The following SAMD4B variants were observed in gnomAD, a reference collection of about 807,000 sequenced individuals.
The protein encoded by SAMD4B is sterile alpha motif domain containing 4B.
Under a neutral mutation model 74.5 loss-of-function variants are expected in SAMD4B, and 5 were observed. That is an observed-to-expected ratio of 0.07 (90% CI 0.04 to 0.14). SAMD4B has a LOEUF of 0.14. Among genes scored for constraint, SAMD4B ranks in the 10% least tolerant of loss-of-function variants. The pLI is 1.00. For missense variants in SAMD4B, 608 were observed against 921.8 expected (o/e 0.66, Z 4.41); for synonymous variants, 373 against 374.9 (o/e 1.00, Z 0.06).
the SAMD4B span, chr19:39,390,732 G>C: frequency 7.1e-7 from 1 of 1,398,750 alleles, no homozygotes; most frequent in Non-Finnish European, 9.9e-7. Flanking sequence ...TGACGTCACG[G>C]GCAGACCTGG....
At chr19:39,344,857 C>T (rs933707386) in intron 1 of SAMD4B, among the ~76,000 whole-genome samples, 9 of 152,180 alleles carry the variant, frequency 5.9e-5, no homozygotes, top group African/African-American at 2.2e-4. Context: ...CTCTTCCCTT[C>T]AGAGATCAAG....
Position 39,379,379 on chromosome 19 carries a change from C to T in SAMD4B, c.1531-587C>T, listed in dbSNP as rs145404706. On this transcript the variant is annotated intron_variant, in intron 9 of 13. Transcript: ENST00000610417. ...GCTGTCAGTTCAAACATTTATACCTCAGGGACACCTTTACCAACCCCTCAT... is the reference window on the plus strand; with the variant it reads ...GCTGTCAGTTCAAACATTTATACCTTAGGGACACCTTTACCAACCCCTCAT... 4.6e-5 allele frequency among the ~76,000 whole-genome samples: 7 copies of T among 152,312 alleles called. No homozygotes were observed. The East Asian group carries it at 1.4e-3, about 29-fold the overall frequency.
downstream of SAMD4B, chr19:39,390,036 T>C (rs372419471): frequency 2.0e-6 from 3 of 1,533,370 alleles, no homozygotes; most frequent in South Asian, 1.1e-5. Flanking sequence ...AAGGAACTCA[T>C]ACCTGAGTAG....
intron 12 of SAMD4B, among the ~76,000 whole-genome samples, chr19:39,382,930 C>A (rs1180996751): frequency 6.6e-6 from 1 of 151,656 alleles, no homozygotes; most frequent in Non-Finnish European, 1.5e-5. Flanking sequence ...AGAGTAGTCA[C>A]AGCAGGCTGT....
intron 1 of SAMD4B, chr19:39,348,269 T>G (rs560895495): frequency 6.6e-6 from 1 of 152,334 alleles, no homozygotes; most frequent in East Asian, 1.9e-4. Flanking sequence ...AGTCTTCCCT[T>G]CTCTCATGGA....
chr19:39,373,032 G>T (rs1324270699), intron 4 of SAMD4B, among the ~76,000 whole-genome samples: 1 of 152,164 alleles, frequency 6.6e-6, no homozygotes, highest in African/African-American at 2.4e-5. Context: ...CATTAGTATT[G>T]TCACAGCTGA....
intron 3 of SAMD4B, among the ~76,000 whole-genome samples, chr19:39,362,828 A>G (rs1031299097): frequency 2.0e-5 from 3 of 151,836 alleles, no homozygotes; most frequent in African/African-American, 7.3e-5. Flanking sequence ...AGCAGGTTTA[A>G]ACTCCTCCCT....
chr19:39,342,892 C>T (rs1358675160), intron 1 of SAMD4B, among the ~76,000 whole-genome samples: 3 of 150,498 alleles, frequency 2.0e-5, no homozygotes, highest in Admixed American at 6.6e-5. Flanking sequence ...TCGGAGAGCC[C>T]CGGAAAGCCT....
At chr19:39,388,771 G>A (rs1224931429), downstream of SAMD4B, 1 of 1,613,710 alleles carries the variant, frequency 6.2e-7, no homozygotes, top group Admixed American at 1.7e-5. Context: ...CCTAATCATG[G>A]CCTGAGACAT....
At chr19:39,387,050 C>T (rs976282094), downstream of SAMD4B, 2 of 569,690 alleles carry the variant, frequency 3.5e-6, no homozygotes, top group Non-Finnish European at 6.4e-6. Context: ...GGTGTATTTA[C>T]ATAAATACGG....
chr19:39,390,090 G>A, downstream of SAMD4B: 18 of 1,613,688 alleles, frequency 1.1e-5, no homozygotes, highest in Non-Finnish European at 1.5e-5. Flanking sequence ...GAAGGGGTAG[G>A]TGATGAACTT....
chr19:39,389,408 A>C (rs917533295), downstream of SAMD4B: 4 of 1,612,590 alleles, frequency 2.5e-6, no homozygotes, highest in Non-Finnish European at 3.4e-6. The surrounding 1 kb of genome is among the most constrained non-coding windows in gnomAD (Gnocchi z 5.3). Flanking sequence ...CAGGTATCTC[A>C]GGACCCCACT....
rs771298382 is a variant in SAMD4B, at chr19:39,369,939, C to T, written c.481C>T (p.Arg161Trp). 13 of 1,613,844 alleles carry T rather than the reference C, an allele frequency of 8.1e-6. No individual in the cohort carries two copies. The highest frequency in any genetic ancestry group is 1.6e-4 in the Middle Eastern group (1 of 6,084). ...EERLASGFRS[R>W]PEPSYHSRQG... Reference sequence around the variant, plus strand: ...GCGGTTGGCTAGTGGCTTCCGCTCCCGGCCAGAGCCCTCCTACCATTCACG... The same window carrying T: ...GCGGTTGGCTAGTGGCTTCCGCTCCTGGCCAGAGCCCTCCTACCATTCACG... Residue 161 changes from arginine (R) to tryptophan (W), a missense_variant, in exon 4 of 14, where the codon CGG (arginine) becomes TGG (tryptophan). Transcript: ENST00000610417.
At chr19:39,367,400 A>G (rs2077020216) in intron 3 of SAMD4B, among the ~76,000 whole-genome samples, 1 of 151,734 alleles carries the variant, frequency 6.6e-6, no homozygotes, top group Non-Finnish European at 1.5e-5. Context: ...CTCTTTTCCC[A>G]AGTATTGGTA....
At position 39,375,875 on chromosome 19, in the gene SAMD4B, G is replaced by T; in HGVS notation, c.893G>T (p.Gly298Val). 6.2e-7 allele frequency: 1 copy of T among 1,608,128 alleles called. No homozygotes were observed. Residue 298 changes from glycine (G) to valine (V), a missense_variant, in exon 5 of 14, where the codon GGC (glycine) becomes GTC (valine). Coordinates refer to ENST00000610417, the MANE Select transcript of SAMD4B (RefSeq NM_001384574.2). This position sits in a 1 kb window ranked among gnomAD's most constrained non-coding sequence, Gnocchi z 4.1. ...GSSRNTFQED[G>V]SGMKDVPSWL... is the part of the protein sequence containing the mutation. ...AGCCGGAACACCTTCCAGGAGGATG[G>T]CAGTGGCATGAAAGGTACATTGGGG... is the stretch of plus-strand genomic sequence containing the variant.
Position 39,376,757 on chromosome 19 carries a change from G to A in SAMD4B, c.1070G>A (p.Arg357His), listed in dbSNP as rs571162695. The change falls in exon 7 of 14, where the codon CGT becomes CAT. Residue 357 changes from arginine to histidine, a missense_variant. Arg to His is a conservative substitution (Grantham distance 29, BLOSUM62 0). Coordinates refer to ENST00000610417, the MANE Select transcript of SAMD4B (RefSeq NM_001384574.2). ...ATAGCCCTGAGCATCCAGAAGCTGC[G>A]TGAGAGACAGAGCGTCCTCAAGTCC... ...HKIALSIQKLRERQSVLKSLE... is the reference protein window; with the variant it reads ...HKIALSIQKLHERQSVLKSLE... 33 of 1,614,210 alleles carry A rather than the reference G, an allele frequency of 2.0e-5. No homozygotes were observed. The highest frequency in any genetic ancestry group is 5.5e-5 in the South Asian group (5 of 91,082).
chr19:39,376,419 C>G lies in SAMD4B; in HGVS notation c.908-18C>G, dbSNP rs1212081994. 2 of 1,596,848 alleles carry G rather than the reference C, an allele frequency of 1.3e-6. No individual in the cohort carries two copies. Among genetic ancestry groups the G allele is most frequent in the Non-Finnish European group, 1.7e-6 (2 of 1,168,890 alleles). On this transcript the variant is annotated intron_variant, in intron 5 of 13. Coordinates refer to ENST00000610417, the MANE Select transcript of SAMD4B (RefSeq NM_001384574.2). ...TGGGCCAAACTCCTGACCTTTCACT[C>G]TCCCTCCTTTGCCAAAGATGTGCCC... is the stretch of plus-strand genomic sequence containing the variant.
chr19:39,343,982 ACCC>A lies in SAMD4B; in HGVS notation c.-267+1416_-267+1418del, dbSNP rs141556423. Among the ~76,000 whole-genome samples, 127 of 52,826 alleles carry A rather than the reference ACCC, an allele frequency of 2.4e-3. 1 individual carries two copies. In the South Asian group the frequency reaches 0.064, roughly 27 times the overall value. The allele number at this position is 52,826 out of a possible 152,430, so 34.7% of individuals were successfully genotyped here. On this transcript the variant is annotated intron_variant, in intron 1 of 13. Transcript: ENST00000610417. ...CCCCTCTGATATGCAGGTTTTCAGGACCCCCCCCCCCCACACACACACACAGCT... is the reference window on the plus strand; with the variant it reads ...CCCCTCTGATATGCAGGTTTTCAGGACCCCCCCCCACACACACACACAGCT...
Position 39,378,431 on chromosome 19 carries a change from G to A in SAMD4B, c.1445-73G>A. The A allele has an allele frequency of 7.4e-7, 1 of 1,350,832 alleles. No individual in the cohort carries two copies. Among genetic ancestry groups the A allele is most frequent in the Non-Finnish European group, 1.1e-6 (1 of 945,088 alleles). 83.7% of individuals were successfully genotyped at this position (1,350,832 alleles called of 1,614,324 possible). A position where few individuals can be genotyped will look rare whatever the true frequency, so the allele number is the denominator to read the frequency against. On this transcript the variant is annotated intron_variant, in intron 8 of 13. Transcript: ENST00000610417. The surrounding 1 kb of genome is among the most constrained non-coding windows in gnomAD (Gnocchi z 4.4). Reference sequence around the variant, plus strand: ...GTCTCCTGTTCCTTCTTGTGCACGAGCCAGCTGGAGGCTGGAACATGGCAG... The same window carrying A: ...GTCTCCTGTTCCTTCTTGTGCACGAACCAGCTGGAGGCTGGAACATGGCAG...
Sources: allele counts gnomAD v4.1 joint callset (sites outside exome capture counted in the v4.1 genomes callset), GRCh38; gene constraint gnomAD v4.1.1; non-coding constraint Gnocchi (gnomAD v3.1); transcripts MANE v1.5; gene names NCBI Gene and HGNC (gene_info 2026-07-23, HGNC 2026-07-21).